The following RAB27B variants were observed in gnomAD, a reference collection of about 807,000 sequenced individuals.
RAB27B encodes the protein ras-related protein Rab-27B.
A neutral mutation model predicts 24.6 loss-of-function variants in RAB27B; 15 were observed. The ratio of observed to expected loss-of-function variants is 0.61; its 90% CI spans 0.41 to 0.94. The LOEUF is 0.94. Ranked by LOEUF, RAB27B falls within the 40% of genes least tolerant of loss-of-function variation. RAB27B has a pLI of 0.00. For missense variants in RAB27B, 261 were observed against 266.8 expected (o/e 0.98, Z 0.15); for synonymous variants, 105 against 92.5 (o/e 1.14, Z -0.78).
At chr18:54,859,098 CTT>C (rs1911906935) in intron 1 of RAB27B, among the ~76,000 whole-genome samples, 1 of 152,118 alleles carries the variant, frequency 6.6e-6, no homozygotes, top group African/African-American at 2.4e-5. Flanking sequence ...AGGGCAGTGA[CTT>C]TGCAGAGATG....
chr18:54,829,645 C>T (rs1910600128), intron 1 of RAB27B, among the ~76,000 whole-genome samples: 1 of 152,070 alleles, frequency 6.6e-6, no homozygotes, highest in Non-Finnish European at 1.5e-5. Flanking sequence ...CACACATATT[C>T]ATTCATATAT....
intron 2 of RAB27B, among the ~76,000 whole-genome samples, chr18:54,776,456 T>A (rs1908717912): frequency 6.6e-6 from 1 of 152,178 alleles, no homozygotes; most frequent in Non-Finnish European, 1.5e-5. Flanking sequence ...CCATCTCTTG[T>A]GGTTGAATGA....
chr18:54,795,255 T>G (rs113436097), intron 2 of RAB27B, among the ~76,000 whole-genome samples: 1,635 of 152,296 alleles, frequency 0.011, 26 homozygotes, highest in African/African-American at 0.036. Flanking sequence ...GCCCCCAGTT[T>G]TAATGAGAAT....
chr18:54,741,753 C>T (rs1446882281), intron 2 of RAB27B, among the ~76,000 whole-genome samples: 2 of 152,140 alleles, frequency 1.3e-5, no homozygotes, highest in African/African-American at 4.8e-5. Flanking sequence ...CCACCCACCT[C>T]CATCTCCCAA....
At chr18:54,743,617 G>A (rs1351910232) in intron 2 of RAB27B, among the ~76,000 whole-genome samples, 1 of 152,132 alleles carries the variant, frequency 6.6e-6, no homozygotes, top group Non-Finnish European at 1.5e-5. Flanking sequence ...GTGGATGCCT[G>A]GTCCTTGCAT....
intron 1 of RAB27B, among the ~76,000 whole-genome samples, chr18:54,875,042 G>C (rs545731273): frequency 1.3e-5 from 2 of 152,288 alleles, no homozygotes; most frequent in Non-Finnish European, 2.9e-5. Context: ...ATTTTACCAG[G>C]CTGAGCGTGG....
intron 2 of RAB27B, among the ~76,000 whole-genome samples, chr18:54,733,650 G>GGCCCCC (rs1909794792): frequency 3.3e-5 from 3 of 92,242 alleles, no homozygotes; most frequent in Admixed American, 1.2e-4. Flanking sequence ...CTGTTCTAGA[G>GGCCCCC]CCCCCCCCCC....
intron 2 of RAB27B, among the ~76,000 whole-genome samples, chr18:54,774,233 G>C (rs750900076): frequency 6.6e-6 from 1 of 152,010 alleles, no homozygotes; most frequent in African/African-American, 2.4e-5. Flanking sequence ...ACCCTAGAAG[G>C]CTTGATTTTA....
chr18:54,751,063 C>G (rs1344034161), intron 2 of RAB27B, among the ~76,000 whole-genome samples: 1 of 152,172 alleles, frequency 6.6e-6, no homozygotes, highest in Non-Finnish European at 1.5e-5. Flanking sequence ...GGACTTTATC[C>G]TGCCCTCGAG....
chr18:54,851,335 A>G (rs1310029067), intron 1 of RAB27B, among the ~76,000 whole-genome samples: 1 of 152,208 alleles, frequency 6.6e-6, no homozygotes, highest in African/African-American at 2.4e-5. Context: ...AAATTCAAAA[A>G]GCACCAAAGT....
intron 2 of RAB27B, among the ~76,000 whole-genome samples, chr18:54,799,458 C>T (rs1909527073): frequency 6.6e-6 from 1 of 151,794 alleles, no homozygotes; most frequent in African/African-American, 2.4e-5. Flanking sequence ...AATATGTGAA[C>T]ATTTTATAAA....
intron 2 of RAB27B, among the ~76,000 whole-genome samples, chr18:54,795,343 A>G (rs1160024402): frequency 6.6e-6 from 1 of 152,192 alleles, no homozygotes; most frequent in Non-Finnish European, 1.5e-5. Context: ...TGTTACCGAA[A>G]TGCCAAGGGT....
intron 2 of RAB27B, among the ~76,000 whole-genome samples, chr18:54,810,876 A>T (rs996854273): frequency 7.2e-6 from 1 of 139,308 alleles, no homozygotes; most frequent in African/African-American, 2.7e-5. Context: ...AAATAAATAA[A>T]TAAATAAGAA....
chr18:54,733,581 C>A (rs1909791343), intron 2 of RAB27B, among the ~76,000 whole-genome samples: 1 of 150,972 alleles, frequency 6.6e-6, no homozygotes, highest in South Asian at 2.1e-4. Context: ...GAAACCAACC[C>A]CAAAACATTC....
chr18:54,827,439 T>C (rs895371657), upstream of RAB27B, among the ~76,000 whole-genome samples: 10 of 152,358 alleles, frequency 6.6e-5, no homozygotes, highest in African/African-American at 2.2e-4. Context: ...CATAATAGAA[T>C]AGACAGATTT....
chr18:54,767,387 T>TA (rs137932970), intron 2 of RAB27B, among the ~76,000 whole-genome samples: 8,484 of 152,254 alleles, frequency 0.056, 304 homozygotes, highest in Admixed American at 0.085. Flanking sequence ...GGTCATAGTA[T>TA]AGTTATCAGG....
intron 2 of RAB27B, among the ~76,000 whole-genome samples, chr18:54,814,594 A>T (rs1044003427): frequency 6.6e-6 from 1 of 152,208 alleles, no homozygotes; most frequent in African/African-American, 2.4e-5. Flanking sequence ...TTGGCAGGAT[A>T]TATTTCTTAG....
intron 4 of RAB27B, among the ~76,000 whole-genome samples, 180 bp downstream of exon 4, chr18:54,884,616 A>G (rs1052031505): frequency 3.3e-5 from 5 of 152,176 alleles, no homozygotes; most frequent in Non-Finnish European, 7.4e-5. Context: ...GGACCACCCT[A>G]GGTAGCTTGG....
At chr18:54,822,408 A>G (rs1258644088) in intron 2 of RAB27B, among the ~76,000 whole-genome samples, 1 of 152,230 alleles carries the variant, frequency 6.6e-6, no homozygotes, top group Non-Finnish European at 1.5e-5. Flanking sequence ...TAACAAAAAC[A>G]CTGGTTTTAG....
Sources: gnomAD v4.1 joint callset for allele counts (sites outside exome capture counted in the v4.1 genomes callset) on GRCh38, gnomAD v4.1.1 for gene constraint, MANE v1.5 for transcripts, NCBI Gene and HGNC (gene_info 2026-07-23, HGNC 2026-07-21) for gene names.